The following ZNF175 variants were observed in gnomAD, a reference collection of about 807,000 sequenced individuals.
ZNF175 encodes the protein zinc finger protein OTK18.
Under a neutral mutation model 14.0 loss-of-function variants are expected in ZNF175, and 8 were observed. The ratio of observed to expected loss-of-function variants is 0.57; its 90% confidence interval spans 0.34 to 1.03. The LOEUF is 1.03. Ranked by LOEUF, ZNF175 falls within the 50% of genes least tolerant of loss-of-function variation. ZNF175 has a pLI of 0.03. For missense variants in ZNF175, 764 were observed against 849.5 expected, an observed-to-expected ratio of 0.90 and a Z score of 1.25; for synonymous variants, 255 against 296.8, an observed-to-expected ratio of 0.86 and a Z score of 1.45.
intron 3 of ZNF175, 119 bp from the exon 4 acceptor site, chr19:51,581,668 A>T: frequency 6.6e-7 from 1 of 1,518,660 alleles, no homozygotes; most frequent in Admixed American, 2.3e-5. Context: ...ACCTTCTAGT[A>T]TTATTTTGTG....
chr19:51,588,333 G>A lies in ZNF175; in HGVS notation c.2002G>A (p.Glu668Lys). Residue 668 changes from glutamate to lysine, a missense_variant, in exon 5 of 5, where the codon GAA becomes AAA. Coordinates refer to ENST00000262259, the MANE Select transcript of ZNF175 (RefSeq NM_007147.4). ...LKVHQRIHTG[E>K]RPYVCSECGK... ...GGTGCATCAGCGAATTCACACGGGA[G>A]AAAGACCTTATGTGTGTTCTGAATG... 4.3e-6 allele frequency: 7 copies of A among 1,614,184 alleles called. No homozygotes were observed. The highest frequency in any genetic ancestry group is 1.1e-5 in the South Asian group (1 of 91,080).
rs756579349 is a variant in ZNF175, at chr19:51,588,167, G to T, written c.1836G>T (p.Glu612Asp). The T allele has an allele frequency of 6.2e-7, 1 of 1,613,808 alleles. No homozygotes were observed. The highest frequency in any genetic ancestry group is 8.5e-7 in the Non-Finnish European group (1 of 1,179,932). The change falls in exon 5 of 5, where the codon GAG (glutamate) becomes GAT (aspartate). Residue 612 changes from glutamate (E) to aspartate (D), a missense_variant. Glu to Asp is a conservative substitution (Grantham distance 45). Coordinates refer to ENST00000262259, the MANE Select transcript of ZNF175 (RefSeq NM_007147.4). ...AACATCAAATAACTCACACTAGAGA[G>T]AGGCCTTTTGTCTGTTACAAATGTG... is the stretch of plus-strand genomic sequence containing the variant. Reference protein sequence around the residue: ...FHKHQITHTRERPFVCYKCGK... With the variant: ...FHKHQITHTRDRPFVCYKCGK...
intron 2 of ZNF175, chr19:51,573,665 G>A (rs1981672373): frequency 4.3e-6 from 2 of 468,388 alleles, no homozygotes; most frequent in Non-Finnish European, 7.4e-6. Context: ...CCCAGTCATA[G>A]GATGGAAAAG....
Position 51,587,792 on chromosome 19 carries a change from G to A in ZNF175, c.1461G>A (p.Lys487=). 1 of 1,614,096 alleles carries A rather than the reference G, an allele frequency of 6.2e-7. No individual in the cohort carries two copies. The highest frequency in any genetic ancestry group is 8.5e-7 in the Non-Finnish European group (1 of 1,180,008). The change falls in exon 5 of 5, where the codon AAG becomes AAA. Residue 487 remains lysine (K), a synonymous_variant. Transcript: ENST00000262259. ...CHNCGKSFIS[K]SQLDIHHRIH... is the part of the protein sequence containing the mutation. Reference sequence around the variant, plus strand: ...ACTGTGGGAAATCCTTCATTTCCAAGTCACAGCTTGATATACATCATCGAA... The same window carrying A: ...ACTGTGGGAAATCCTTCATTTCCAAATCACAGCTTGATATACATCATCGAA...
At chr19:51,585,039 A>G (rs1271373992) in intron 4 of ZNF175, among the ~76,000 whole-genome samples, 1 of 152,256 alleles carries the variant, frequency 6.6e-6, no homozygotes, top group African/African-American at 2.4e-5. Context: ...ACTCTTGTTC[A>G]TAGCAGCACT....
At chr19:51,582,672 CT>C (rs1982050066) in intron 4 of ZNF175, among the ~76,000 whole-genome samples, 1 of 152,142 alleles carries the variant, frequency 6.6e-6, no homozygotes, top group Non-Finnish European at 1.5e-5. Flanking sequence ...ATCTGATTGG[CT>C]TTTTCATTTG....
intron 2 of ZNF175, among the ~76,000 whole-genome samples, chr19:51,577,753 T>A (rs1055447496): frequency 6.9e-6 from 1 of 145,476 alleles, no homozygotes; most frequent in Non-Finnish European, 1.5e-5. Context: ...AAGCTCCGCC[T>A]CCCGGGTTCA....
At position 51,573,307 on chromosome 19, in the gene ZNF175, G is replaced by T. The variant is rs574264495; in HGVS notation, c.-23G>T. On this transcript the variant is annotated 5_prime_UTR_variant, in exon 2 of 5. Coordinates refer to ENST00000262259, the MANE Select transcript of ZNF175 (RefSeq NM_007147.4). Reference sequence around the variant, plus strand: ...AGTGGAGTTGTCAGCAAGAGAGACCGAGAGTAGAAGCCCAGAGTGGAGATG... The same window carrying T: ...AGTGGAGTTGTCAGCAAGAGAGACCTAGAGTAGAAGCCCAGAGTGGAGATG... The T allele has an allele frequency of 2.5e-6, 4 of 1,612,280 alleles. No individual in the cohort carries two copies. In the African/African-American group the frequency reaches 4.0e-5, roughly 16 times the overall value.
In ZNF175 at chr19:51,577,873, C is replaced by T. The variant is rs1434691993; in HGVS notation, c.73-3518C>T. ...AGAGATGGGGTTTCACCGTGTTAGC[C>T]AGGATGGTCTCAATCTCCTGACCTC... On this transcript the variant is annotated intron_variant, in intron 2 of 4. Transcript: ENST00000262259. Among the ~76,000 whole-genome samples the T allele has an allele frequency of 3.3e-5, 5 of 151,356 alleles. No homozygotes were observed. In the East Asian group the frequency reaches 1.0e-3, roughly 30 times the overall value.
In ZNF175 at chr19:51,588,474, A is replaced by C; in HGVS notation, c.*7A>C. 1 of 1,531,514 alleles carries C rather than the reference A, an allele frequency of 6.5e-7. No individual in the cohort carries two copies. The highest frequency in any genetic ancestry group is 8.7e-7 in the Non-Finnish European group (1 of 1,146,856). The allele number at this position is 1,531,514 out of a possible 1,614,324, so 94.9% of individuals were successfully genotyped here. Reference sequence around the variant, plus strand: ...AGGCTTTACCAAGCAATGAATTCCTAGTGCATCAGCATATTCATAAATGAA... The same window carrying C: ...AGGCTTTACCAAGCAATGAATTCCTCGTGCATCAGCATATTCATAAATGAA... On this transcript the variant is annotated 3_prime_UTR_variant, in exon 5 of 5. Coordinates refer to ENST00000262259, the MANE Select transcript of ZNF175 (RefSeq NM_007147.4).
chr19:51,581,397 G>T lies in ZNF175; in HGVS notation c.79G>T (p.Val27Leu), dbSNP rs1328905470. 6.2e-7 allele frequency: 1 copy of T among 1,614,162 alleles called. No homozygotes were observed. The highest frequency in any genetic ancestry group is 1.7e-5 in the Admixed American group (1 of 60,014). ...CTGGGGTACACTGTTACAGGCATCA[G>T]TGTCATTTGAGGACGTGACCGTGGA... ...EKQDGSCEAS[V>L]SFEDVTVDFS... The change falls in exon 3 of 5, where the codon GTG becomes TTG. Residue 27 changes from valine (V) to leucine (L), a missense_variant. Val to Leu is a conservative substitution (Grantham distance 32, BLOSUM62 1). Coordinates refer to ENST00000262259, the MANE Select transcript of ZNF175 (RefSeq NM_007147.4).
intron 1 of ZNF175, among the ~76,000 whole-genome samples, chr19:51,571,753 G>A (rs555155606): frequency 2.0e-5 from 3 of 152,278 alleles, no homozygotes; most frequent in East Asian, 1.9e-4. Flanking sequence ...GACGTTCAGG[G>A]AAGGGATTCA....
intron 2 of ZNF175, among the ~76,000 whole-genome samples, chr19:51,579,030 G>A (rs750901917): frequency 1.3e-5 from 2 of 152,072 alleles, no homozygotes; most frequent in African/African-American, 4.8e-5. Context: ...GAGATGGGCC[G>A]ATCACTTGAG....
rs1023264578 is a variant in ZNF175 at position 51,589,402 on chromosome 19, T to C, written c.*935T>C. ...AATTGTTTTTATAAAAATTATTCCCTATTGAATATTTATATAATGAGGTTG... is the reference window on the plus strand; with the variant it reads ...AATTGTTTTTATAAAAATTATTCCCCATTGAATATTTATATAATGAGGTTG... On this transcript the variant is annotated 3_prime_UTR_variant, in exon 5 of 5. Transcript: ENST00000262259. 3 of 585,272 alleles carry C rather than the reference T, an allele frequency of 5.1e-6. No homozygotes were observed. Among genetic ancestry groups the C allele is most frequent in the Non-Finnish European group, 9.1e-6 (3 of 331,276 alleles). The allele number at this position is 585,272 out of a possible 1,614,324, so 36.3% of individuals were successfully genotyped here.
chr19:51,577,839 A>ATT (rs982667511), intron 2 of ZNF175, among the ~76,000 whole-genome samples: 1 of 151,040 alleles, frequency 6.6e-6, no homozygotes, highest in Non-Finnish European at 1.5e-5. Flanking sequence ...AATTTTTTGT[A>ATT]TTTTTAGTAG....
chr19:51,590,779 G>T lies in ZNF175; in HGVS notation c.*2312G>T, dbSNP rs1195806197. 6.5e-6 allele frequency: 1 copy of T among 152,724 alleles called. No individual in the cohort carries two copies. The highest frequency in any genetic ancestry group is 1.5e-5 in the Non-Finnish European group (1 of 68,304). 9.5% of individuals were successfully genotyped at this position (152,724 alleles called of 1,614,324 possible). ...AGGGCTGGCCGGCCGTAGATGACTG[G>T]TGTGGGGTGGAAAGGCTGCAGAGGC... On this transcript the variant is annotated 3_prime_UTR_variant, in exon 5 of 5. Coordinates refer to ENST00000262259, the MANE Select transcript of ZNF175 (RefSeq NM_007147.4).
At chr19:51,572,677 C>A (rs1056137312) in intron 1 of ZNF175, among the ~76,000 whole-genome samples, 1 of 152,182 alleles carries the variant, frequency 6.6e-6, no homozygotes, top group African/African-American at 2.4e-5. Context: ...CCCTGTTTTT[C>A]CATTTACAGA....
chr19:51,585,152 G>A (rs980050437), intron 4 of ZNF175, among the ~76,000 whole-genome samples: 4 of 152,212 alleles, frequency 2.6e-5, no homozygotes, highest in African/African-American at 9.6e-5. Flanking sequence ...TAAAAAGGAA[G>A]AGGAATTATG....
Position 51,582,017 on chromosome 19 carries a change from A to G in ZNF175, c.295+135A>G, listed in dbSNP as rs1982023577. 6 of 767,714 alleles carry G rather than the reference A, an allele frequency of 7.8e-6. No individual in the cohort carries two copies. In the East Asian group the frequency reaches 1.6e-4, roughly 21 times the overall value. 47.6% of individuals were successfully genotyped at this position (767,714 alleles called of 1,614,324 possible). On this transcript the variant is annotated intron_variant, in intron 4 of 4. Transcript: ENST00000262259. ...TCCTACTCCCAGTTTCCCATCAAAC[A>G]CTGTAAATGTGCTATAAATGTTAAA...
Sources: gnomAD v4.1 joint callset for allele counts (sites outside exome capture counted in the v4.1 genomes callset) on GRCh38, gnomAD v4.1.1 for gene constraint, MANE v1.5 for transcripts, NCBI Gene and HGNC (gene_info 2026-07-23, HGNC 2026-07-21) for gene names.